The following CYP2A6 variants were observed in gnomAD, a reference collection of about 807,000 sequenced individuals.
CYP2A6 encodes the protein cytochrome P450 family 2 subfamily A member 6.
Under a neutral mutation model 42.3 loss-of-function variants are expected in CYP2A6, and 27 were observed. The ratio of observed to expected loss-of-function variants is 0.64; its 90% CI spans 0.47 to 0.88. The LOEUF (loss-of-function observed/expected upper bound fraction) is 0.88, where lower values mean the gene tolerates loss of function less well. CYP2A6 is among the 40% of genes least tolerant of loss of function. The pLI is 0.00. For synonymous variants in CYP2A6, 238 were observed against 246.3 expected (o/e 0.97, Z 0.31); for missense variants, 628 against 646.0 (o/e 0.97, Z 0.30).
Position 40,848,605 on chromosome 19 carries a change from C to G in CYP2A6, c.493+9G>C, listed in dbSNP as rs1237185627. 6.2e-7 allele frequency: 1 copy of G among 1,610,466 alleles called. No homozygotes were observed. Among genetic ancestry groups the G allele is most frequent in the Non-Finnish European group, 8.5e-7 (1 of 1,178,942 alleles). On this transcript the variant is annotated intron_variant, in intron 3 of 8. Transcript: ENST00000301141. ...TCTCCTGCCCCCGCACTCGGGGTCC[C>G]CTGCTCACCGCCAGTGCCCCGGAGG...
Position 40,846,902 on chromosome 19 carries a change from A to T in CYP2A6, c.804T>A (p.Ile268=). 2 of 1,573,818 alleles carry T rather than the reference A, an allele frequency of 1.3e-6. No individual in the cohort carries two copies. The highest frequency in any genetic ancestry group is 1.7e-6 in the Non-Finnish European group (2 of 1,151,502). Residue 268 remains isoleucine (I), a synonymous_variant, in exon 5 of 9, where the codon ATT becomes ATA. Transcript: ENST00000301141. The part of the protein sequence containing the change: ...TLDPNSPRDF[I]DSFLIRMQEE... ...CCTGCATGCGGATGAGAAAGGAGTC[A>T]ATGAAGTCCCGTGGGGAATTGGGAT... is the stretch of plus-strand genomic sequence containing the variant.
At chr19:40,845,245 G>C in intron 7 of CYP2A6, 49 bp downstream of exon 7, 1 of 1,605,994 alleles carries the variant, frequency 6.2e-7, no homozygotes, top group South Asian at 1.1e-5. Flanking sequence ...TGGGGACACA[G>C]AGAGGGGCTG....
At chr19:40,849,054 GAGAGAGA>G (rs1967171239) in intron 2 of CYP2A6, among the ~76,000 whole-genome samples, 1 of 122,168 alleles carries the variant, frequency 8.2e-6, no homozygotes, top group African/African-American at 3.1e-5. Flanking sequence ...AGGAGAGAGA[GAGAGAGA>G]GAGAGAGAGA....
At chr19:40,844,919 G>A in intron 7 of CYP2A6, 147 bp from the exon 8 acceptor site, 1 of 1,027,146 alleles carries the variant, frequency 9.7e-7, no homozygotes, top group Non-Finnish European at 1.4e-6. Flanking sequence ...AGGAGCTTTG[G>A]GGGATAGAAG....
In CYP2A6 at chr19:40,847,095, C is replaced by A. The variant is rs201792681; in HGVS notation, c.655-44G>T. 3 of 1,597,642 alleles carry A rather than the reference C, an allele frequency of 1.9e-6. No homozygotes were observed. The Admixed American group carries it at 5.1e-5, about 27-fold the overall frequency. ...GATGGGAAGGGAAGGACAGCTGTCA[C>A]GGGGCAGGAGCTGATGGGAATGGGA... On this transcript the variant is annotated intron_variant, in intron 4 of 8. Transcript: ENST00000301141.
In CYP2A6 at chr19:40,843,688, T is replaced by A; in HGVS notation, c.*108A>T. ...CCCTCTAGCCACCACGCCCCTTCCT[T>A]TCCGCCATCCTGCCCCCAGTCTTAG... On this transcript the variant is annotated 3_prime_UTR_variant, in exon 9 of 9. Transcript: ENST00000301141. The A allele has an allele frequency of 7.9e-7, 1 of 1,266,178 alleles. No homozygotes were observed. Among genetic ancestry groups the A allele is most frequent in the Non-Finnish European group, 1.1e-6 (1 of 950,434 alleles). 78.4% of individuals were successfully genotyped at this position (1,266,178 alleles called of 1,614,324 possible).
chr19:40,848,860 G>T (rs1426919630), intron 2 of CYP2A6, 97 bp from the exon 3 acceptor site: 5 of 1,447,396 alleles, frequency 3.5e-6, no homozygotes, highest in East Asian at 2.6e-5. Context: ...AGGAGAGAGG[G>T]AGTAGGGTGG....
chr19:40,845,584 A>G (rs1350736579), intron 6 of CYP2A6, 103 bp from the exon 7 acceptor site: 1 of 1,518,130 alleles, frequency 6.6e-7, no homozygotes, highest in African/African-American at 1.4e-5. Flanking sequence ...TCCGCCTATG[A>G]GACGGAAGTA....
At position 40,847,299 on chromosome 19, in the gene CYP2A6, C is replaced by T. The variant is rs193119488; in HGVS notation, c.655-248G>A. Reference sequence around the variant, plus strand: ...TATATCCAGGTTTCAGGTATTTAAACGAGGCTGGATTGGAGCACACATCTA... The same window carrying T: ...TATATCCAGGTTTCAGGTATTTAAATGAGGCTGGATTGGAGCACACATCTA... On this transcript the variant is annotated intron_variant, in intron 4 of 8. Coordinates refer to ENST00000301141, the MANE Select transcript of CYP2A6 (RefSeq NM_000762.6). Among the ~76,000 whole-genome samples the T allele has an allele frequency of 2.2e-4, 33 of 151,320 alleles. 1 individual carries two copies. Among genetic ancestry groups the T allele is most frequent in the East Asian group, 8.0e-4 (4 of 4,996 alleles).
intron 4 of CYP2A6, 104 bp from the exon 5 acceptor site, chr19:40,847,155 G>A: frequency 4.7e-6 from 7 of 1,486,338 alleles, no homozygotes; most frequent in Middle Eastern, 2.4e-4. Context: ...TGAGTTAAAG[G>A]CATCTGTCTC....
Position 40,844,744 on chromosome 19 carries a change from G to C in CYP2A6, c.1190C>G (p.Ser397Cys). ...GAAGAAACTGGGGTCTCTCAGCACA[G>C]AGCCCAGCATAGGGTACACTTCGGT... ...KGTEVYPMLG[S>C]VLRDPSFFSN... The change falls in exon 8 of 9, where the codon TCT becomes TGT. Residue 397 changes from serine (S) to cysteine (C), a missense_variant. Transcript: ENST00000301141. 6.2e-7 allele frequency: 1 copy of C among 1,611,658 alleles called. No homozygotes were observed. The highest frequency in any genetic ancestry group is 8.5e-7 in the Non-Finnish European group (1 of 1,179,818).
rs1284545378 is a variant in CYP2A6 at position 40,848,765 on chromosome 19, T to TG, written c.344-3dup. On this transcript the variant is annotated splice_region_variant and splice_polypyrimidine_tract_variant and intron_variant, in intron 2 of 8. Transcript: ENST00000301141. ...GCTCCCCGTTGCTGAATACCACGCC[T>TG]GGGGAGGTGAACGCGGGAATGGAGA... 27 of 1,610,484 alleles carry TG rather than the reference T, an allele frequency of 1.7e-5. No homozygotes were observed. The highest frequency in any genetic ancestry group is 2.2e-5 in the Non-Finnish European group (26 of 1,179,590).
rs1568514487 is a variant in CYP2A6, at chr19:40,846,015, G to T, written c.914C>A (p.Thr305Asn). ...TLNLFIGGTE[T>N]VSTTLRYGFL... ...GCCATAGCGCAGGGTGGTGCTGACG[G>T]TCTCGGTGCCCCCAATGAAGAGGTT... The change falls in exon 6 of 9, where the codon ACC becomes AAC. Residue 305 changes from threonine (T) to asparagine (N), a missense_variant. Thr to Asn is a moderately conservative substitution (Grantham distance 65). Coordinates refer to ENST00000301141, the MANE Select transcript of CYP2A6 (RefSeq NM_000762.6). 2 of 1,611,568 alleles carry T rather than the reference G, an allele frequency of 1.2e-6. No homozygotes were observed. Among genetic ancestry groups the T allele is most frequent in the African/African-American group, 1.3e-5 (1 of 74,614 alleles).
At position 40,843,879 on chromosome 19, in the gene CYP2A6, G is replaced by A. The variant is rs1166738000; in HGVS notation, c.1402C>T (p.Pro468Ser). 1 of 1,612,418 alleles carries A rather than the reference G, an allele frequency of 6.2e-7. No individual in the cohort carries two copies. The highest frequency in any genetic ancestry group is 1.3e-5 in the African/African-American group (1 of 74,662). Residue 468 changes from proline (P) to serine (S), a missense_variant, in exon 9 of 9, where the codon CCT (proline) becomes TCT (serine). By Grantham distance (74) the Pro-to-Ser change is moderately conservative. Around this residue, in one of 2 missense-constraint regions of CYP2A6, gnomAD observed 22 missense variants for 77.8 expected, o/e 0.28. Coordinates refer to ENST00000301141, the MANE Select transcript of CYP2A6 (RefSeq NM_000762.6). ...TTGGGGGACACGTCAATGTCCTTAG[G>A]TGACTGGGAGGACTTGAGGCGGAAG... ...QNFRLKSSQS[P>S]KDIDVSPKHV... is the part of the protein sequence containing the mutation.
intron 4 of CYP2A6, 22 bp downstream of exon 4, chr19:40,848,197 G>C: frequency 6.2e-7 from 1 of 1,610,160 alleles, no homozygotes; most frequent in Non-Finnish European, 8.5e-7. Context: ...GGGGCGTCAC[G>C]GGCCGGGCTG....
intron 5 of CYP2A6, among the ~76,000 whole-genome samples, chr19:40,846,343 T>G (rs1404502269): frequency 2.8e-5 from 4 of 141,014 alleles, no homozygotes; most frequent in East Asian, 2.3e-4. Context: ...TAGCTGTCAG[T>G]TTTTTTTTGT....
intron 7 of CYP2A6, 199 bp from the exon 8 acceptor site, chr19:40,844,971 C>T (rs2083448319): frequency 2.0e-5 from 15 of 734,014 alleles, no homozygotes; most frequent in Non-Finnish European, 3.0e-5. Flanking sequence ...ACATGGGGTC[C>T]ATGTCCTTCT....
Position 40,846,077 on chromosome 19 carries a change from C to T in CYP2A6, c.852G>A (p.Thr284=), listed in dbSNP as rs28399450. 6.7e-4 allele frequency: 1,072 copies of T among 1,611,572 alleles called. 28 individuals are homozygous for T. The African/African-American group carries it at 0.012, about 18-fold the overall frequency. The stretch of plus-strand genomic sequence containing the variant: ...TCACCAGGTTTTTCAAGTAGAACTC[C>T]GTGTTGGGGTTCTTCTCCTCCTGCA... ...RMQEEEKNPN[T]EFYLKNLVMT... The change falls in exon 6 of 9, where the codon ACG becomes ACA. Residue 284 remains threonine (T), a synonymous_variant. Coordinates refer to ENST00000301141, the MANE Select transcript of CYP2A6 (RefSeq NM_000762.6).
At chr19:40,848,489 A>C (rs1967139306) in intron 3 of CYP2A6, 110 bp from the exon 4 acceptor site, 4 of 1,578,840 alleles carry the variant, frequency 2.5e-6, no homozygotes, top group Non-Finnish European at 3.4e-6. Flanking sequence ...CCAGCGCCAG[A>C]CTCCAGGGCT....
Sources: gnomAD v4.1 joint callset for allele counts (sites outside exome capture counted in the v4.1 genomes callset) on GRCh38, gnomAD v4.1.1 for gene constraint, gnomAD v4.1.1 regional missense constraint, MANE v1.5 for transcripts, NCBI Gene and HGNC (gene_info 2026-07-23, HGNC 2026-07-21) for gene names.